The following SLCO3A1 variants were observed in gnomAD, a reference collection of about 807,000 sequenced individuals.
SLCO3A1 encodes solute carrier organic anion transporter family member 3A1, also known as PGE1 transporter.
In SLCO3A1, 27 loss-of-function variants were observed where a neutral mutation model predicts 63.1. That is an observed-to-expected ratio of 0.43 (90% CI 0.32 to 0.59). The LOEUF (loss-of-function observed/expected upper bound fraction) is 0.59. Ranked by LOEUF, SLCO3A1 falls within the 20% of genes least tolerant of loss-of-function variation. The pLI is 0.09. For missense variants in SLCO3A1, 773 were observed against 945.8 expected, an observed-to-expected ratio of 0.82 and a Z score of 2.40; for synonymous variants, 473 against 409.9, an observed-to-expected ratio of 1.15 and a Z score of -1.86.
At chr15:91,928,512 A>T (rs1005141015) in intron 2 of SLCO3A1, among the ~76,000 whole-genome samples, 2 of 152,136 alleles carry the variant, frequency 1.3e-5, no homozygotes, top group African/African-American at 4.8e-5. Flanking sequence ...CACCATCCCC[A>T]GGCATGATTA....
Position 92,162,979 on chromosome 15 carries a change from C to G in SLCO3A1, c.1977C>G (p.His659Gln), listed in dbSNP as rs777771745. 130 of 1,613,820 alleles carry G rather than the reference C, an allele frequency of 8.1e-5. No homozygotes were observed. The highest frequency in any genetic ancestry group is 1.1e-4 in the Non-Finnish European group (125 of 1,179,904). ...RKNYKRYIKN[H>Q]EGGLSTSEFF... ...ACTATAAACGCTACATCAAAAACCA[C>G]GAGGGCGGGCTGAGCACCAGTGAGT... The change falls in exon 10 of 10, where the codon CAC becomes CAG. Residue 659 changes from histidine to glutamine, a missense_variant. This residue lies in a region of SLCO3A1 where 139 missense variants were observed against 131.4 expected (regional missense o/e 1.06). Coordinates refer to ENST00000318445, the MANE Select transcript of SLCO3A1 (RefSeq NM_013272.4).
intron 7 of SLCO3A1, among the ~76,000 whole-genome samples, chr15:92,146,088 A>C (rs1378305975): frequency 6.6e-6 from 1 of 152,182 alleles, no homozygotes; most frequent in African/African-American, 2.4e-5. Context: ...GCAGTCCTGG[A>C]AGGAAAAGCA....
chr15:92,117,406 G>GA (rs764052860), intron 4 of SLCO3A1, among the ~76,000 whole-genome samples: 3 of 152,070 alleles, frequency 2.0e-5, no homozygotes, highest in African/African-American at 4.8e-5. Flanking sequence ...GCACCCTAAT[G>GA]AAAAAAATGA....
At chr15:92,004,692 G>A (rs569966441) in intron 2 of SLCO3A1, among the ~76,000 whole-genome samples, 1 of 152,382 alleles carries the variant, frequency 6.6e-6, no homozygotes, top group African/African-American at 2.4e-5. Flanking sequence ...ATGCTGGTGA[G>A]TGAGTTGGAG....
intron 4 of SLCO3A1, among the ~76,000 whole-genome samples, chr15:92,118,600 C>G (rs1043746792): frequency 6.6e-6 from 1 of 152,164 alleles, no homozygotes; most frequent in Non-Finnish European, 1.5e-5. Flanking sequence ...GGTTTCATCT[C>G]CTACGAGATG....
At position 92,076,422 on chromosome 15, in the gene SLCO3A1, G is replaced by A. The variant is rs369706652; in HGVS notation, c.647-18459G>A. On this transcript the variant is annotated intron_variant, in intron 2 of 9. Transcript: ENST00000318445. ...TCAGTACTTTCCCCGGATGCAGGACGTAGTTTTGATGTTAGGATTTCTGCT... is the reference window on the plus strand; with the variant it reads ...TCAGTACTTTCCCCGGATGCAGGACATAGTTTTGATGTTAGGATTTCTGCT... Among the ~76,000 whole-genome samples the A allele has an allele frequency of 6.6e-5, 10 of 152,284 alleles. No homozygotes were observed. The East Asian group carries it at 1.5e-3, about 24-fold the overall frequency.
At chr15:92,122,494 A>G (rs1034212868) in intron 5 of SLCO3A1, among the ~76,000 whole-genome samples, 23 of 152,236 alleles carry the variant, frequency 1.5e-4, no homozygotes, top group Admixed American at 5.2e-4. Flanking sequence ...CACCAGACTG[A>G]TAGAACCAAG....
At chr15:91,906,954 A>T (rs1476074339) in intron 1 of SLCO3A1, among the ~76,000 whole-genome samples, 1 of 151,830 alleles carries the variant, frequency 6.6e-6, no homozygotes, top group Non-Finnish European at 1.5e-5. Flanking sequence ...AGAGACAATC[A>T]TGAAATGTTA....
chr15:92,102,378 G>T (rs1047286203), intron 3 of SLCO3A1, among the ~76,000 whole-genome samples: 1 of 152,016 alleles, frequency 6.6e-6, no homozygotes, highest in Non-Finnish European at 1.5e-5. Context: ...ATACATATAT[G>T]TACATAAAAG....
intron 2 of SLCO3A1, among the ~76,000 whole-genome samples, chr15:92,071,759 A>G (rs946774443): frequency 7.2e-5 from 11 of 152,162 alleles, no homozygotes; most frequent in African/African-American, 2.2e-4. Flanking sequence ...GGCTCTCTGC[A>G]TCCCCACCTT....
rs573089343 is a variant in SLCO3A1, at chr15:91,854,115, G to T, written c.180+27G>T. On this transcript the variant is annotated intron_variant, in intron 1 of 9. Coordinates refer to ENST00000318445, the MANE Select transcript of SLCO3A1 (RefSeq NM_013272.4). This position sits in a 1 kb window ranked among gnomAD's most constrained non-coding sequence, Gnocchi z 6.4. Reference sequence around the variant, plus strand: ...TGAGTCCCCGAGCCAACTCCGCCGCGGGCCCCTTCCCCAGCCCGGCTCTCG... The same window carrying T: ...TGAGTCCCCGAGCCAACTCCGCCGCTGGCCCCTTCCCCAGCCCGGCTCTCG... 4.8e-6 allele frequency: 7 copies of T among 1,451,954 alleles called. No individual in the cohort carries two copies. In the African/African-American group the frequency reaches 5.9e-5, roughly 12 times the overall value. 89.9% of individuals were successfully genotyped at this position (1,451,954 alleles called of 1,614,324 possible). A position where few individuals can be genotyped will look rare whatever the true frequency, so the allele number is the denominator to read the frequency against.
At chr15:92,075,099 C>A (rs1366189506) in intron 2 of SLCO3A1, among the ~76,000 whole-genome samples, 1 of 152,188 alleles carries the variant, frequency 6.6e-6, no homozygotes, top group African/African-American at 2.4e-5. Context: ...CAGCTCACTA[C>A]CCCTCTGAAG....
At position 91,897,433 on chromosome 15, in the gene SLCO3A1, G is replaced by T. The variant is rs1468702227; in HGVS notation, c.181-18560G>T. On this transcript the variant is annotated intron_variant, in intron 1 of 9. Transcript: ENST00000318445. The surrounding 1 kb of genome is among the most constrained non-coding windows in gnomAD (Gnocchi z 4.7). ...GCCACTGCACTCCAGCCTGGGCAAT[G>T]GAGCGAGACTCTGTCTAAAAACAAA... Among the ~76,000 whole-genome samples, 2 of 152,024 alleles carry T rather than the reference G, an allele frequency of 1.3e-5. No individual in the cohort carries two copies. Among genetic ancestry groups the T allele is most frequent in the East Asian group, 3.9e-4 (2 of 5,184 alleles).
At chr15:92,170,264 C>T (rs2048514297), downstream of SLCO3A1, among the ~76,000 whole-genome samples, 1 of 152,166 alleles carries the variant, frequency 6.6e-6, no homozygotes, top group African/African-American at 2.4e-5. Context: ...AGGATCCCAA[C>T]TGAACACAGA....
chr15:91,935,142 C>A (rs1899365112), intron 2 of SLCO3A1, among the ~76,000 whole-genome samples: 1 of 152,136 alleles, frequency 6.6e-6, no homozygotes, highest in Non-Finnish European at 1.5e-5. Context: ...TTAGTAGAGA[C>A]AGGGTTTCAC....
chr15:91,939,664 C>G (rs1286095896), intron 2 of SLCO3A1, among the ~76,000 whole-genome samples: 2 of 152,092 alleles, frequency 1.3e-5, no homozygotes, highest in Non-Finnish European at 2.9e-5. Flanking sequence ...GGGTGCCAGG[C>G]TTCTTCCCTC....
rs7173207 is a variant in SLCO3A1, at chr15:91,854,440, C to A, written c.180+352C>A. On this transcript the variant is annotated intron_variant, in intron 1 of 9. Coordinates refer to ENST00000318445, the MANE Select transcript of SLCO3A1 (RefSeq NM_013272.4). This position sits in a 1 kb window ranked among gnomAD's most constrained non-coding sequence, Gnocchi z 6.4. ...GTTCAGGGTTCTCCTTGGAGAGGAA[C>A]GAAAAAGCGTCGGGGTTTTCAGGTG... The A allele has an allele frequency of 0.26, 252,267 of 968,558 alleles. 39,369 individuals carry two copies. Among genetic ancestry groups the A allele is most frequent in the African/African-American group, 0.7 (39,983 of 57,310 alleles). 60.0% of individuals were successfully genotyped at this position (968,558 alleles called of 1,614,324 possible). A position where few individuals can be genotyped will look rare whatever the true frequency, so the allele number is the denominator to read the frequency against.
Position 91,915,987 on chromosome 15 carries a change from C to G in SLCO3A1, c.181-6C>G. ...TGGCTCTGACCTTTCTTCTTGCCCC[C>G]CTCAGGTGAGCGTCCTGACCACCCT... is the stretch of plus-strand genomic sequence containing the variant. On this transcript the variant is annotated splice_polypyrimidine_tract_variant and splice_region_variant and intron_variant, in intron 1 of 9. Coordinates refer to ENST00000318445, the MANE Select transcript of SLCO3A1 (RefSeq NM_013272.4). The G allele has an allele frequency of 1.9e-6, 3 of 1,608,844 alleles. No individual in the cohort carries two copies. Among genetic ancestry groups the G allele is most frequent in the Non-Finnish European group, 2.5e-6 (3 of 1,177,586 alleles).
chr15:91,889,816 G>A (rs1897826405), intron 1 of SLCO3A1, among the ~76,000 whole-genome samples: 1 of 151,730 alleles, frequency 6.6e-6, no homozygotes, highest in Admixed American at 6.5e-5. Context: ...GTCATTCTGT[G>A]ATGTCTAGTT....
Sources: allele counts gnomAD v4.1 joint callset (sites outside exome capture counted in the v4.1 genomes callset), GRCh38; gene constraint gnomAD v4.1.1; regional missense constraint gnomAD v4.1.1; non-coding constraint Gnocchi (gnomAD v3.1); transcripts MANE v1.5; gene names NCBI Gene and HGNC (gene_info 2026-07-23, HGNC 2026-07-21).